The following IL20RB variants were observed in gnomAD, a reference collection of about 807,000 sequenced individuals.
IL20RB encodes the protein interleukin-20 receptor subunit beta.
A neutral mutation model predicts 33.3 loss-of-function variants in IL20RB; 21 were observed. That is an observed-to-expected ratio of 0.63 (90% confidence interval 0.45 to 0.91). IL20RB has a LOEUF of 0.91. Among genes scored for constraint, IL20RB ranks in the 40% least tolerant of loss-of-function variants. IL20RB has a pLI of 0.00. For synonymous variants in IL20RB, 147 were observed against 146.8 expected, an observed-to-expected ratio of 1.00 and a Z score of -0.01; for missense variants, 345 against 384.8, an observed-to-expected ratio of 0.90 and a Z score of 0.86.
At chr3:136,996,432 TC>T (rs1232662369) in intron 6 of IL20RB, among the ~76,000 whole-genome samples, 1 of 152,206 alleles carries the variant, frequency 6.6e-6, no homozygotes, top group Non-Finnish European at 1.5e-5. Context: ...GGAGCCAGTG[TC>T]AGCTTCTGAA....
In IL20RB at chr3:136,995,681, G is replaced by A; in HGVS notation, c.825+125G>A. On this transcript the variant is annotated intron_variant, in intron 6 of 6. Transcript: ENST00000329582. Reference sequence around the variant, plus strand: ...GATTATAGGCATCTGCACAGAGAGGGGAGAGGAATACTTATAAAATACTTC... The same window carrying A: ...GATTATAGGCATCTGCACAGAGAGGAGAGAGGAATACTTATAAAATACTTC... 7.1e-6 allele frequency: 6 copies of A among 840,738 alleles called. No individual in the cohort carries two copies. In the South Asian group the frequency reaches 9.9e-5, roughly 14 times the overall value. 52.1% of individuals were successfully genotyped at this position (840,738 alleles called of 1,614,324 possible).
At chr3:136,987,331 C>T (rs1388570661) in intron 3 of IL20RB, among the ~76,000 whole-genome samples, 10 of 152,120 alleles carry the variant, frequency 6.6e-5, no homozygotes, top group Non-Finnish European at 1.3e-4. Flanking sequence ...TTCTCCAAGG[C>T]CCCACCAGAG....
chr3:136,962,777 A>G (rs1941258209), intron 1 of IL20RB, among the ~76,000 whole-genome samples: 1 of 151,076 alleles, frequency 6.6e-6, no homozygotes, highest in Admixed American at 6.6e-5. Flanking sequence ...ACTCAAGGTC[A>G]TTAAAAAAGA....
intron 1 of IL20RB, among the ~76,000 whole-genome samples, chr3:136,958,619 A>G (rs998786310): frequency 6.6e-6 from 1 of 152,206 alleles, no homozygotes; most frequent in Non-Finnish European, 1.5e-5. Flanking sequence ...TGTGAGCTTA[A>G]CATTGGATAC....
At position 136,967,232 on chromosome 3, in the gene IL20RB, C is replaced by T. The variant is rs577343609; in HGVS notation, c.88+9031C>T. 7.9e-4 allele frequency among the ~76,000 whole-genome samples: 120 copies of T among 151,858 alleles called. 1 individual carries two copies. The highest frequency in any genetic ancestry group is 5.9e-4 in the Non-Finnish European group (40 of 67,962). On this transcript the variant is annotated intron_variant, in intron 1 of 6. Transcript: ENST00000329582. ...TTAGGTCTGCTTGTGCAGAGCTGAG[C>T]TCAATTCCTGGGTATCCTTGTTGAC... is the stretch of plus-strand genomic sequence containing the variant.
chr3:136,978,392 C>T (rs570086283), intron 1 of IL20RB, among the ~76,000 whole-genome samples: 1 of 152,218 alleles, frequency 6.6e-6, no homozygotes, highest in Non-Finnish European at 1.5e-5. Context: ...TCTCGAACTC[C>T]TGACCTCAGC....
chr3:136,971,569 C>T (rs1941486355), intron 1 of IL20RB, among the ~76,000 whole-genome samples: 1 of 152,236 alleles, frequency 6.6e-6, no homozygotes, highest in Non-Finnish European at 1.5e-5. Flanking sequence ...TTAGCTCCCA[C>T]ATGTAAGTGA....
At position 136,958,045 on chromosome 3, in the gene IL20RB, A is replaced by G. The variant is rs1360437655; in HGVS notation, c.-69A>G. 2 of 944,216 alleles carry G rather than the reference A, an allele frequency of 2.1e-6. No individual in the cohort carries two copies. The highest frequency in any genetic ancestry group is 1.8e-5 in the Admixed American group (1 of 54,884). The allele number at this position is 944,216 out of a possible 1,614,324, so 58.5% of individuals were successfully genotyped here. On this transcript the variant is annotated 5_prime_UTR_variant, in exon 1 of 7. It removes an upstream start codon present in the reference 5' UTR. Transcript: ENST00000329582. ...TCCAACATATGCATTCTGAAGAAAG[A>G]TGGCTGAGATGGACAGAATGCTTTA...
intron 6 of IL20RB, among the ~76,000 whole-genome samples, chr3:137,007,363 C>G (rs561462499): frequency 0.021 from 3,202 of 152,276 alleles, 123 homozygotes; most frequent in African/African-American, 0.072. Flanking sequence ...AAGTTGTCTG[C>G]TGCCTTTTGT....
chr3:136,966,424 G>A lies in IL20RB; in HGVS notation c.88+8223G>A, dbSNP rs1167184587. 2.5e-5 allele frequency among the ~76,000 whole-genome samples: 2 copies of A among 81,436 alleles called. 1 individual carries two copies. The highest frequency in any genetic ancestry group is 1.1e-4 in the African/African-American group (2 of 18,968). 53.4% of individuals were successfully genotyped at this position (81,436 alleles called of 152,430 possible). On this transcript the variant is annotated intron_variant, in intron 1 of 6. Coordinates refer to ENST00000329582, the MANE Select transcript of IL20RB (RefSeq NM_144717.4). ...TCAACTTCTTCCTGGTTTAGTCTTG[G>A]GAGAGTGTATGTGTCGAGGAATGTA...
At chr3:136,995,251 G>T (rs77889593) in intron 5 of IL20RB, among the ~76,000 whole-genome samples, 163 bp from the exon 6 acceptor site, 1 of 152,172 alleles carries the variant, frequency 6.6e-6, no homozygotes. Flanking sequence ...GCTTTTAATG[G>T]TGGTAATTTT....
At chr3:136,972,488 A>G (rs1038271242) in intron 1 of IL20RB, among the ~76,000 whole-genome samples, 2 of 152,040 alleles carry the variant, frequency 1.3e-5, no homozygotes, top group African/African-American at 4.8e-5. Context: ...GCTACTCATT[A>G]TCCATCGTTA....
chr3:136,980,001 C>G (rs1272686632), intron 1 of IL20RB, among the ~76,000 whole-genome samples: 1 of 152,204 alleles, frequency 6.6e-6, no homozygotes, highest in African/African-American at 2.4e-5. Context: ...GCCAGTCTAA[C>G]AGAAGAGTCA....
At chr3:137,010,092 T>A (rs1210095876) in intron 6 of IL20RB, 21 bp from the exon 7 acceptor site, 1 of 1,110,766 alleles carries the variant, frequency 9.0e-7, no homozygotes, top group East Asian at 2.3e-5. Context: ...CTAATGAATA[T>A]TAATGAAAAT....
chr3:136,999,081 A>G (rs1942190038), intron 6 of IL20RB, among the ~76,000 whole-genome samples: 1 of 151,738 alleles, frequency 6.6e-6, no homozygotes, highest in Admixed American at 6.6e-5. Context: ...AATTTGGAAA[A>G]TTTTCAGCCT....
In IL20RB at chr3:137,002,982, A is replaced by T. The variant is rs1446258564; in HGVS notation, c.826-7131A>T. ...GGAAGGGATCCAGTTTCAGCTTTCT[A>T]CATATGGCTAGCCAATTTTCCCAGC... On this transcript the variant is annotated intron_variant, in intron 6 of 6. Transcript: ENST00000329582. 2.0e-5 allele frequency among the ~76,000 whole-genome samples: 3 copies of T among 152,170 alleles called. No homozygotes were observed. In the East Asian group the frequency reaches 5.8e-4, roughly 29 times the overall value.
chr3:137,007,830 A>C (rs1932957467), intron 6 of IL20RB, among the ~76,000 whole-genome samples: 1 of 152,112 alleles, frequency 6.6e-6, no homozygotes. Context: ...TGAACCAGGT[A>C]CCTCAGTTGG....
chr3:136,979,304 G>T (rs1481685070), intron 1 of IL20RB, among the ~76,000 whole-genome samples: 1 of 152,184 alleles, frequency 6.6e-6, no homozygotes, highest in Admixed American at 6.5e-5. Flanking sequence ...ACCAGGTGGG[G>T]TGTCCCCAGC....
At chr3:136,995,342 G>C (rs1270385390) in intron 5 of IL20RB, 72 bp from the exon 6 acceptor site, 38 of 1,554,994 alleles carry the variant, frequency 2.4e-5, no homozygotes, top group Non-Finnish European at 3.3e-5. Flanking sequence ...CCAGGAAACC[G>C]GGGGAGGCTC....
Sources: gnomAD v4.1 joint callset for allele counts (sites outside exome capture counted in the v4.1 genomes callset) on GRCh38, gnomAD v4.1.1 for gene constraint, MANE v1.5 for transcripts, NCBI Gene and HGNC (gene_info 2026-07-23, HGNC 2026-07-21) for gene names.